The following ITPKB variants were observed in gnomAD, a reference collection of about 807,000 sequenced individuals.
The protein encoded by ITPKB is inositol-trisphosphate 3-kinase B, also known as IP3 3-kinase B.
A neutral mutation model predicts 69.4 loss-of-function variants in ITPKB; 13 were observed. That is an observed-to-expected ratio of 0.19 (90% CI 0.12 to 0.30). The LOEUF (loss-of-function observed/expected upper bound fraction) is 0.30. Ranked by LOEUF, ITPKB falls within the 10% of genes least tolerant of loss-of-function variation. The probability of loss-of-function intolerance (pLI) is 1.00; values close to 1 mark genes in which losing one functional copy is unlikely to be tolerated. For missense variants in ITPKB, 1,240 were observed against 1,250.5 expected (o/e 0.99, Z 0.13); for synonymous variants, 584 against 513.7 (o/e 1.14, Z -1.85).
chr1:226,657,466 TAAAG>T (rs1268520923), intron 2 of ITPKB, among the ~76,000 whole-genome samples: 5 of 152,200 alleles, frequency 3.3e-5, no homozygotes, highest in Admixed American at 6.5e-5. Flanking sequence ...TAGATAATCG[TAAAG>T]AAAGAGTCTC....
chr1:226,736,203 G>T lies in ITPKB; in HGVS notation c.1256C>A (p.Ala419Asp), dbSNP rs1657753154. 2 of 1,535,176 alleles carry T rather than the reference G, an allele frequency of 1.3e-6. No individual in the cohort carries two copies. Residue 419 changes from alanine to aspartate, a missense_variant, in exon 2 of 8, where the codon GCC (alanine) becomes GAC (aspartate). Physicochemically the swap from Ala to Asp is moderately radical, Grantham distance 126. Coordinates refer to ENST00000429204, the MANE Select transcript of ITPKB (RefSeq NM_002221.4). ...LSWSRLPRAL[A>D]SVGPEEARSG... is the part of the protein sequence containing the mutation. ...TCGGGCCTCCTCAGGGCCTACGGAG[G>T]CCAGGGCCCTGGGCAGCCTGGACCA...
chr1:226,635,012 C>T (rs1276169233), intron 7 of ITPKB, 126 bp from the exon 8 acceptor site: 7 of 670,494 alleles, frequency 1.0e-5, no homozygotes, highest in Non-Finnish European at 1.5e-5. Flanking sequence ...CCTGCAATTC[C>T]AATCCCCATT....
chr1:226,718,924 A>C (rs1657162007), intron 2 of ITPKB, among the ~76,000 whole-genome samples: 1 of 152,232 alleles, frequency 6.6e-6, no homozygotes, highest in South Asian at 2.1e-4. Context: ...ACGAATGTTC[A>C]CAGCTGCTTT....
chr1:226,689,569 TTGTGTGTGTGTG>T (rs10589027), intron 2 of ITPKB, among the ~76,000 whole-genome samples: 147 of 138,564 alleles, frequency 1.1e-3, no homozygotes, highest in South Asian at 2.2e-3. Context: ...AAGGTTTTAT[TTGTGTGTGTGTG>T]TGTGTGTGTG....
At chr1:226,661,706 C>A (rs1256097035) in intron 2 of ITPKB, among the ~76,000 whole-genome samples, 1 of 152,198 alleles carries the variant, frequency 6.6e-6, no homozygotes, top group African/African-American at 2.4e-5. Flanking sequence ...GTGCCTGGTA[C>A]ATACACAAGA....
At chr1:226,711,811 G>A (rs1656967740) in intron 2 of ITPKB, among the ~76,000 whole-genome samples, 1 of 152,120 alleles carries the variant, frequency 6.6e-6, no homozygotes, top group Admixed American at 6.5e-5. Context: ...CCCTGACCCA[G>A]AGACTCCATG....
chr1:226,672,559 A>G (rs1374372924), intron 2 of ITPKB, among the ~76,000 whole-genome samples: 1 of 152,170 alleles, frequency 6.6e-6, no homozygotes, highest in South Asian at 2.1e-4. Context: ...CTTGGCTCAG[A>G]TATTAGGTCG....
intron 2 of ITPKB, among the ~76,000 whole-genome samples, chr1:226,719,668 A>G (rs924754680): frequency 2.0e-5 from 3 of 152,184 alleles, no homozygotes; most frequent in Admixed American, 6.5e-5. Flanking sequence ...TAAGCCCACA[A>G]CAGCTTGTAC....
At chr1:226,648,462 T>TG (rs11412124) in intron 3 of ITPKB, among the ~76,000 whole-genome samples, 146,434 of 152,236 alleles carry the variant, frequency 0.96, 70,478 homozygotes, top group East Asian at 1. Flanking sequence ...TTTTGGAGGA[T>TG]GGGGTAACAC....
intron 2 of ITPKB, among the ~76,000 whole-genome samples, chr1:226,712,228 C>T (rs566791164): frequency 3.3e-5 from 5 of 152,362 alleles, no homozygotes; most frequent in Admixed American, 3.3e-4. Context: ...GAGGCAACCC[C>T]TCTCTCTGAG....
intron 2 of ITPKB, among the ~76,000 whole-genome samples, chr1:226,702,041 G>A (rs918028202): frequency 6.6e-6 from 1 of 152,156 alleles, no homozygotes; most frequent in Non-Finnish European, 1.5e-5. Context: ...TGCCAGGGAA[G>A]AGAGAGACAA....
intron 2 of ITPKB, among the ~76,000 whole-genome samples, chr1:226,725,684 C>T (rs1304308963): frequency 1.3e-5 from 2 of 152,220 alleles, no homozygotes; most frequent in Non-Finnish European, 2.9e-5. Context: ...CTTGCTCACT[C>T]CAGCCTTCCC....
chr1:226,678,169 T>C (rs577180209), intron 2 of ITPKB, among the ~76,000 whole-genome samples: 52 of 152,334 alleles, frequency 3.4e-4, no homozygotes, highest in Non-Finnish European at 5.3e-4. Context: ...AACCAGGACA[T>C]GGACGCTAAC....
chr1:226,647,103 G>A (rs1480501738), intron 4 of ITPKB, 64 bp downstream of exon 4: 11 of 1,486,460 alleles, frequency 7.4e-6, no homozygotes, highest in Admixed American at 3.4e-5. Flanking sequence ...TGAGTGCCAC[G>A]CTGTGCACCT....
At chr1:226,692,021 C>T (rs1006223007) in intron 2 of ITPKB, among the ~76,000 whole-genome samples, 1 of 152,130 alleles carries the variant, frequency 6.6e-6, no homozygotes, top group African/African-American at 2.4e-5. Context: ...AAGTTAAGAG[C>T]CCCAGAAAAA....
Position 226,736,021 on chromosome 1 carries a change from G to A in ITPKB, c.1438C>T (p.Pro480Ser), listed in dbSNP as rs1657742473. Residue 480 changes from proline (P) to serine (S), a missense_variant, in exon 2 of 8, where the codon CCC (proline) becomes TCC (serine). By Grantham distance (74) the Pro-to-Ser change is moderately conservative (BLOSUM62 -1). Around this residue, in one of 2 missense-constraint regions of ITPKB, gnomAD observed 992 missense variants for 853.8 expected, o/e 1.16. Transcript: ENST00000429204. ...IPSGRMLEPL[P>S]CWDAAKDLKE... ...AGATCTTTCGCAGCGTCCCAACAGG[G>A]CAAAGGCTCCAGCATTCTGCCAGAA... The A allele has an allele frequency of 2.5e-6, 4 of 1,613,638 alleles. No individual in the cohort carries two copies. Among genetic ancestry groups the A allele is most frequent in the African/African-American group, 1.3e-5 (1 of 74,946 alleles).
intron 2 of ITPKB, among the ~76,000 whole-genome samples, chr1:226,710,696 T>C (rs1279482626): frequency 6.6e-6 from 1 of 152,232 alleles, no homozygotes; most frequent in Non-Finnish European, 1.5e-5. Context: ...GTGAGCTGGA[T>C]TCTCATGCAG....
At chr1:226,671,740 G>A (rs1019074581) in intron 2 of ITPKB, among the ~76,000 whole-genome samples, 1 of 152,208 alleles carries the variant, frequency 6.6e-6, no homozygotes, top group African/African-American at 2.4e-5. Flanking sequence ...CCATACACAG[G>A]CAGAGGGTAT....
chr1:226,644,245 G>A (rs923523883), intron 4 of ITPKB, among the ~76,000 whole-genome samples: 1 of 152,218 alleles, frequency 6.6e-6, no homozygotes, highest in South Asian at 2.1e-4. Context: ...ATGGTGGGGC[G>A]GGATGCCCAC....
Sources: gnomAD v4.1 joint callset for allele counts (sites outside exome capture counted in the v4.1 genomes callset) on GRCh38, gnomAD v4.1.1 for gene constraint, gnomAD v4.1.1 regional missense constraint, MANE v1.5 for transcripts, NCBI Gene and HGNC (gene_info 2026-07-23, HGNC 2026-07-21) for gene names.